The following AP3B1 variants were observed in gnomAD, a reference collection of about 807,000 sequenced individuals.
The protein encoded by AP3B1 is adaptor related protein complex 3 subunit beta 1, also known as AP-3 complex subunit beta-1.
In AP3B1, 61 loss-of-function variants were observed where a neutral mutation model predicts 132.5. That is an observed-to-expected ratio of 0.46 (90% CI 0.37 to 0.57). AP3B1 has a LOEUF of 0.57. Ranked by LOEUF, AP3B1 falls within the 20% of genes least tolerant of loss-of-function variation. AP3B1 has a pLI of 0.00. For missense variants in AP3B1, 1,120 were observed against 1,289.4 expected (o/e 0.87, Z 2.01); for synonymous variants, 388 against 438.3 (o/e 0.89, Z 1.43).
At chr5:78,259,445 T>A (rs1356752271) in intron 2 of AP3B1, among the ~76,000 whole-genome samples, 1 of 152,152 alleles carries the variant, frequency 6.6e-6, no homozygotes, top group Non-Finnish European at 1.5e-5. Context: ...GAATAAGACC[T>A]TCTATTTGAC....
At chr5:78,186,822 G>A (rs1384953164) in intron 7 of AP3B1, among the ~76,000 whole-genome samples, 1 of 152,068 alleles carries the variant, frequency 6.6e-6, no homozygotes, top group Non-Finnish European at 1.5e-5. Flanking sequence ...GGTGCCTACA[G>A]ATTTTACACA....
chr5:78,236,085 C>G (rs1022722050), intron 3 of AP3B1, among the ~76,000 whole-genome samples: 7 of 151,894 alleles, frequency 4.6e-5, no homozygotes, highest in African/African-American at 1.7e-4. Flanking sequence ...GAAAGAAATC[C>G]AAAACAAATA....
intron 7 of AP3B1, among the ~76,000 whole-genome samples, chr5:78,197,261 T>G (rs10039112): frequency 0.37 from 56,107 of 151,758 alleles, 10,715 homozygotes; most frequent in African/African-American, 0.46. Context: ...TCTGCTATGT[T>G]TACCAACCAC....
Position 78,175,675 on chromosome 5 carries a change from T to G in AP3B1, c.1118A>C (p.Lys373Thr), listed in dbSNP as rs187115356. 1 of 1,613,500 alleles carries G rather than the reference T, an allele frequency of 6.2e-7. No individual in the cohort carries two copies. Among genetic ancestry groups the G allele is most frequent in the East Asian group, 2.2e-5 (1 of 44,738 alleles). ...QRKGMFEPYLKSFYVRSTDPT... is the reference protein window; with the variant it reads ...QRKGMFEPYLTSFYVRSTDPT... ...ATCAGTTGACCTAACATAGAAACTC[T>G]TCAGATAAGGTTCAAACATCCCCTG... The change falls in exon 11 of 27, where the codon AAG becomes ACG. Residue 373 changes from lysine to threonine, a missense_variant. This residue lies in a region of AP3B1 where 906 missense variants were observed against 997.1 expected (regional missense o/e 0.91). Transcript: ENST00000255194.
chr5:78,274,852 G>A (rs1283715207), intron 1 of AP3B1, among the ~76,000 whole-genome samples: 4 of 152,106 alleles, frequency 2.6e-5, no homozygotes, highest in Non-Finnish European at 5.9e-5. Context: ...TTTGAGCCCA[G>A]GAGTTCAAGG....
chr5:78,164,171 A>T (rs1743514495), intron 12 of AP3B1, among the ~76,000 whole-genome samples: 1 of 152,150 alleles, frequency 6.6e-6, no homozygotes, highest in Admixed American at 6.6e-5. Context: ...ATATGAACTT[A>T]TGAGTCTTTA....
chr5:78,073,931 G>A (rs1749655378), intron 22 of AP3B1, among the ~76,000 whole-genome samples: 1 of 152,066 alleles, frequency 6.6e-6, no homozygotes, highest in Admixed American at 6.6e-5. Flanking sequence ...CTGTGTGCAT[G>A]TTTCCTTTGT....
intron 22 of AP3B1, among the ~76,000 whole-genome samples, chr5:78,075,192 G>A (rs973673620): frequency 6.6e-6 from 1 of 152,086 alleles, no homozygotes; most frequent in Non-Finnish European, 1.5e-5. Context: ...TAGGGGGGTG[G>A]TTGGGGAGGA....
chr5:78,126,663 T>TA (rs1181779931), intron 17 of AP3B1, among the ~76,000 whole-genome samples: 7 of 152,288 alleles, frequency 4.6e-5, no homozygotes, highest in Admixed American at 4.6e-4. Context: ...TTACTACTGT[T>TA]ACAAATTTTT....
intron 15 of AP3B1, among the ~76,000 whole-genome samples, chr5:78,132,340 A>G (rs1344009983): frequency 5.3e-5 from 8 of 152,208 alleles, no homozygotes; most frequent in Admixed American, 5.2e-4. Context: ...AGCATTTGCA[A>G]TATTTTTGAC....
At chr5:78,130,337 T>C (rs1022918709) in intron 15 of AP3B1, among the ~76,000 whole-genome samples, 1 of 151,990 alleles carries the variant, frequency 6.6e-6, no homozygotes, top group Non-Finnish European at 1.5e-5. Flanking sequence ...ATCAATCAAG[T>C]TAGGCAGAGC....
intron 14 of AP3B1, among the ~76,000 whole-genome samples, chr5:78,142,416 C>T (rs1753189770): frequency 6.6e-6 from 1 of 152,166 alleles, no homozygotes; most frequent in Non-Finnish European, 1.5e-5. Context: ...TGACAGCTAT[C>T]ATTAAAAGGT....
Position 78,176,170 on chromosome 5 carries a change from CTGT to C in AP3B1, c.1041-335_1041-333del, listed in dbSNP as rs137869180. On this transcript the variant is annotated intron_variant, in intron 9 of 26. Transcript: ENST00000255194. ...GTTAATAGGGGTAGATAGGACCACA[CTGT>C]TATTATAAACTCATTAAATAACTCA... is the stretch of plus-strand genomic sequence containing the variant. Among the ~76,000 whole-genome samples the C allele has an allele frequency of 2.5e-3, 378 of 152,240 alleles. 1 individual carries two copies. Among genetic ancestry groups the C allele is most frequent in the African/African-American group, 7.9e-3 (328 of 41,546 alleles).
At chr5:78,167,344 T>C (rs529289602) in intron 11 of AP3B1, among the ~76,000 whole-genome samples, 6 of 151,416 alleles carry the variant, frequency 4.0e-5, no homozygotes, top group Non-Finnish European at 5.9e-5. Context: ...AAATAATAGA[T>C]GTTAGCATGG....
intron 22 of AP3B1, among the ~76,000 whole-genome samples, chr5:78,067,569 C>T (rs1749345405): frequency 1.3e-5 from 2 of 152,196 alleles, no homozygotes; most frequent in South Asian, 2.1e-4. Flanking sequence ...TTAACAGTCT[C>T]TCAGACTATA....
intron 22 of AP3B1, among the ~76,000 whole-genome samples, chr5:78,048,257 C>G (rs1478038649): frequency 6.6e-6 from 1 of 152,186 alleles, no homozygotes; most frequent in African/African-American, 2.4e-5. Context: ...AATGACAATG[C>G]AGAATAAGAA....
Position 78,015,423 on chromosome 5 carries a change from C to T in AP3B1, c.3118G>A (p.Asp1040Asn), listed in dbSNP as rs764848036. Residue 1040 changes from aspartate to asparagine, a missense_variant, in exon 26 of 27, where the codon GAT (aspartate) becomes AAT (asparagine). By Grantham distance (23) the Asp-to-Asn change is conservative. Around this residue, in one of 3 missense-constraint regions of AP3B1, gnomAD observed 906 missense variants for 997.1 expected, o/e 0.91. Transcript: ENST00000255194. Reference protein sequence around the residue: ...ANVGAVPSGQDNIHRFAAKTV... With the variant: ...ANVGAVPSGQNNIHRFAAKTV... ...TAGTGAACCTACCTGTGTATATTATCCTGGCCAGAAGGGACTGCACCTACA... is the reference window on the plus strand; with the variant it reads ...TAGTGAACCTACCTGTGTATATTATTCTGGCCAGAAGGGACTGCACCTACA... 1 of 1,613,756 alleles carries T rather than the reference C, an allele frequency of 6.2e-7. No individual in the cohort carries two copies. The highest frequency in any genetic ancestry group is 1.1e-5 in the South Asian group (1 of 91,068).
chr5:78,185,736 G>GA (rs1744577572), intron 7 of AP3B1, among the ~76,000 whole-genome samples: 1 of 152,052 alleles, frequency 6.6e-6, no homozygotes, highest in Admixed American at 6.6e-5. Flanking sequence ...CATTCATGGG[G>GA]GTATGTACCC....
In AP3B1 at chr5:78,094,933, G is replaced by A. The variant is rs1171391228; in HGVS notation, c.2471-5434C>T. On this transcript the variant is annotated intron_variant, in intron 21 of 26. Transcript: ENST00000255194. ...TGGCCTCAGGTGATCTGCCCGCCTC[G>A]GCCTCCCAAAGTGCTGGTATTACAA... Among the ~76,000 whole-genome samples, 6 of 152,110 alleles carry A rather than the reference G, an allele frequency of 3.9e-5. No homozygotes were observed. The South Asian group carries it at 6.2e-4, about 16-fold the overall frequency.
Sources: gnomAD v4.1 joint callset for allele counts (sites outside exome capture counted in the v4.1 genomes callset) on GRCh38, gnomAD v4.1.1 for gene constraint, gnomAD v4.1.1 regional missense constraint, MANE v1.5 for transcripts, NCBI Gene and HGNC (gene_info 2026-07-23, HGNC 2026-07-21) for gene names.